The following ITPR2 variants were observed in gnomAD, a reference collection of about 807,000 sequenced individuals.
ITPR2 encodes the protein inositol 1,4,5-trisphosphate-gated calcium channel ITPR2.
In ITPR2, 207 loss-of-function variants were observed where a neutral mutation model predicts 317.1. The ratio of observed to expected loss-of-function variants is 0.65; its 90% CI spans 0.58 to 0.73. The LOEUF (loss-of-function observed/expected upper bound fraction) is 0.73, where lower values mean the gene tolerates loss of function less well. Ranked by LOEUF, ITPR2 falls within the 30% of genes least tolerant of loss-of-function variation. ITPR2 has a pLI of 0.00. For synonymous variants in ITPR2, 1,156 were observed against 1,149.1 expected (o/e 1.01, Z -0.12); for missense variants, 2,613 against 3,284.0 (o/e 0.80, Z 4.99).
chr12:26,715,705 A>G, intron 7 of ITPR2, 47 bp downstream of exon 7: 1 of 1,225,060 alleles, frequency 8.2e-7, no homozygotes, highest in Non-Finnish European at 1.2e-6. Flanking sequence ...TTTCAGTAAG[A>G]CTACCATCAT....
chr12:26,572,537 T>C (rs1945187860), intron 34 of ITPR2, among the ~76,000 whole-genome samples: 1 of 152,222 alleles, frequency 6.6e-6, no homozygotes, highest in Non-Finnish European at 1.5e-5. Flanking sequence ...TAGAATGGAA[T>C]CGTTAAGTAG....
chr12:26,602,388 C>A lies in ITPR2; in HGVS notation c.3660G>T (p.Leu1220=), dbSNP rs1946021709. The A allele has an allele frequency of 6.2e-7, 1 of 1,613,116 alleles. No individual in the cohort carries two copies. Among genetic ancestry groups the A allele is most frequent in the Non-Finnish European group, 8.5e-7 (1 of 1,179,568 alleles). ...GACTAACCTTTTCATAGGGTATCTG[C>A]AGAAGATCCAACACCACCGAATGCG... is the stretch of plus-strand genomic sequence containing the variant. The part of the protein sequence containing the change: ...MGAHSVVLDL[L]QIPYEKNDEK... Residue 1220 remains leucine, a synonymous_variant, in exon 28 of 57, where the codon CTG becomes CTT. Transcript: ENST00000381340.
At chr12:26,759,952 C>CT (rs1423385513) in intron 2 of ITPR2, among the ~76,000 whole-genome samples, 1 of 152,202 alleles carries the variant, frequency 6.6e-6, no homozygotes, top group Admixed American at 6.5e-5. Context: ...TAGGTATCTG[C>CT]TGGGGAATGG....
At chr12:26,663,961 A>G in intron 14 of ITPR2, 115 bp from the exon 15 acceptor site, 2 of 978,412 alleles carry the variant, frequency 2.0e-6, no homozygotes, top group South Asian at 3.7e-5. Context: ...TGAGTATTAG[A>G]GTAAACGGGA....
chr12:26,746,209 C>A (rs1417145403), intron 2 of ITPR2, among the ~76,000 whole-genome samples: 1 of 151,792 alleles, frequency 6.6e-6, no homozygotes. Flanking sequence ...CACACACACA[C>A]ACACATACAC....
At chr12:26,731,568 AG>A (rs1415101847) in intron 2 of ITPR2, among the ~76,000 whole-genome samples, 1 of 152,126 alleles carries the variant, frequency 6.6e-6, no homozygotes, top group Non-Finnish European at 1.5e-5. Flanking sequence ...AGGCTGATAA[AG>A]GGGGATTGCT....
chr12:26,756,267 G>A (rs974374223), intron 2 of ITPR2, among the ~76,000 whole-genome samples: 1 of 152,070 alleles, frequency 6.6e-6, no homozygotes, highest in Admixed American at 6.5e-5. Flanking sequence ...TTAGGCTAAC[G>A]CTGCTTATTC....
chr12:26,716,349 G>T, intron 5 of ITPR2, 107 bp from the exon 6 acceptor site: 1 of 651,946 alleles, frequency 1.5e-6, no homozygotes, highest in Non-Finnish European at 2.7e-6. Flanking sequence ...TCTGACATCT[G>T]GTCCTTTTAT....
At chr12:26,609,072 C>T (rs955215357) in intron 26 of ITPR2, among the ~76,000 whole-genome samples, 1 of 152,116 alleles carries the variant, frequency 6.6e-6, no homozygotes, top group African/African-American at 2.4e-5. Flanking sequence ...CTCACCCAGA[C>T]GGACATGGTT....
At chr12:26,412,019 A>G (rs1016899189) in intron 51 of ITPR2, among the ~76,000 whole-genome samples, 4 of 152,134 alleles carry the variant, frequency 2.6e-5, no homozygotes, top group Admixed American at 6.5e-5. Context: ...TAACCCTCCT[A>G]TTTGTATGAA....
chr12:26,435,446 T>A (rs1565525141), intron 48 of ITPR2, among the ~76,000 whole-genome samples: 1 of 152,146 alleles, frequency 6.6e-6, no homozygotes, highest in Non-Finnish European at 1.5e-5. Flanking sequence ...TTAGCTGATT[T>A]CTCCATCTTT....
At chr12:26,794,002 T>C (rs571832822) in intron 1 of ITPR2, among the ~76,000 whole-genome samples, 1 of 152,304 alleles carries the variant, frequency 6.6e-6, no homozygotes, top group South Asian at 2.1e-4. Flanking sequence ...ATTATAGCAA[T>C]AGCCTAAAAT....
intron 9 of ITPR2, among the ~76,000 whole-genome samples, chr12:26,708,470 A>T (rs1485063686): frequency 3.3e-5 from 5 of 152,236 alleles, no homozygotes; most frequent in South Asian, 4.1e-4. Flanking sequence ...ACTGGAGGAC[A>T]TTATGTTAAG....
chr12:26,764,674 T>C (rs919915138), intron 2 of ITPR2, among the ~76,000 whole-genome samples: 1 of 151,562 alleles, frequency 6.6e-6, no homozygotes, highest in Non-Finnish European at 1.5e-5. Flanking sequence ...ACTATCAGAA[T>C]CACTAATGTG....
At chr12:26,409,056 A>G (rs1940453277) in intron 52 of ITPR2, among the ~76,000 whole-genome samples, 1 of 152,226 alleles carries the variant, frequency 6.6e-6, no homozygotes, top group African/African-American at 2.4e-5. Flanking sequence ...GTCTCTTTTT[A>G]AAAAGTGATT....
rs777119538 is a variant in ITPR2, at chr12:26,419,178, A to G, written c.6981T>C (p.Val2327=). ...CNKIVFLVSF[V]GNRGTFTRGY... ...CACGGGTGAACGTGCCACGATTTCC[A>G]ACAAAACTCACCAGAAAAACAATTT... Residue 2327 remains valine (V), a synonymous_variant, in exon 50 of 57, where the codon GTT becomes GTC. Transcript: ENST00000381340. 1 of 1,613,710 alleles carries G rather than the reference A, an allele frequency of 6.2e-7. No individual in the cohort carries two copies. Among genetic ancestry groups the G allele is most frequent in the South Asian group, 1.1e-5 (1 of 91,064 alleles).
At chr12:26,733,281 T>C (rs1407966217) in intron 2 of ITPR2, among the ~76,000 whole-genome samples, 2 of 138,312 alleles carry the variant, frequency 1.4e-5, no homozygotes, top group African/African-American at 5.5e-5. Flanking sequence ...GCCACTGCAC[T>C]CCAGCCTAGG....
intron 39 of ITPR2, among the ~76,000 whole-genome samples, chr12:26,492,980 A>T (rs545166196): frequency 1.3e-5 from 2 of 151,706 alleles, no homozygotes; most frequent in African/African-American, 4.8e-5. Flanking sequence ...ATACACAATG[A>T]TTATTTGTCA....
At chr12:26,354,643 G>A (rs1938576289) in intron 55 of ITPR2, among the ~76,000 whole-genome samples, 1 of 152,148 alleles carries the variant, frequency 6.6e-6, no homozygotes, top group Non-Finnish European at 1.5e-5. Flanking sequence ...TACCCAGCAA[G>A]AGGAAGAGAG....
Sources: allele counts gnomAD v4.1 joint callset (sites outside exome capture counted in the v4.1 genomes callset), GRCh38; gene constraint gnomAD v4.1.1; transcripts MANE v1.5; gene names NCBI Gene and HGNC (gene_info 2026-07-23, HGNC 2026-07-21).